The following ERN1 variants were observed in gnomAD, a reference collection of about 807,000 sequenced individuals.
ERN1 encodes serine/threonine-protein kinase/endoribonuclease IRE1.
ERN1 carries 39 observed loss-of-function variants against 113.1 expected under a neutral mutation model. The observed-to-expected ratio is 0.34, with a 90% CI of 0.27 to 0.45. The LOEUF (loss-of-function observed/expected upper bound fraction) is 0.45, where lower values mean the gene tolerates loss of function less well. Ranked by LOEUF, ERN1 falls within the 20% of genes least tolerant of loss-of-function variation. The pLI, the probability that ERN1 is intolerant of heterozygous loss-of-function variation, is 1.00. For missense variants in ERN1, 976 were observed against 1,274.8 expected (o/e 0.77, Z 3.57); for synonymous variants, 507 against 515.9 (o/e 0.98, Z 0.23).
intron 2 of ERN1, among the ~76,000 whole-genome samples, chr17:64,091,700 G>A (rs921002685): frequency 1.3e-5 from 2 of 152,200 alleles, no homozygotes; most frequent in African/African-American, 4.8e-5. Flanking sequence ...TCCAAGGCCT[G>A]GTAAGGAGTT....
chr17:64,044,843 A>T lies in ERN1; in HGVS notation c.2721+17T>A. ...ATGGCCACTGGGTCTCCTCCCCAGCATTTACAAACTGCTTACCTTATTTCT... is the reference window on the plus strand; with the variant it reads ...ATGGCCACTGGGTCTCCTCCCCAGCTTTTACAAACTGCTTACCTTATTTCT... On this transcript the variant is annotated intron_variant, in intron 21 of 21. Coordinates refer to ENST00000433197, the MANE Select transcript of ERN1 (RefSeq NM_001433.5). The surrounding 1 kb of genome is among the most constrained non-coding windows in gnomAD (Gnocchi z 4.1). 6.4e-7 allele frequency: 1 copy of T among 1,554,170 alleles called. No homozygotes were observed. Among genetic ancestry groups the T allele is most frequent in the Non-Finnish European group, 8.8e-7 (1 of 1,140,100 alleles).
intron 6 of ERN1, among the ~76,000 whole-genome samples, chr17:64,068,502 C>T (rs192816946): frequency 3.3e-5 from 5 of 152,318 alleles, no homozygotes; most frequent in Admixed American, 2.0e-4. Flanking sequence ...GAAGCAGAGA[C>T]GACCCACCCT....
chr17:64,079,477 G>A (rs1913699371), intron 4 of ERN1, among the ~76,000 whole-genome samples, 185 bp downstream of exon 4: 1 of 152,120 alleles, frequency 6.6e-6, no homozygotes, highest in Non-Finnish European at 1.5e-5. Flanking sequence ...ACATTTAAAA[G>A]CTCATTTAGG....
At position 64,071,437 on chromosome 17, in the gene ERN1, G is replaced by T. The variant is rs569461370; in HGVS notation, c.478+544C>A. Among the ~76,000 whole-genome samples, 4 of 152,038 alleles carry T rather than the reference G, an allele frequency of 2.6e-5. 1 individual carries two copies. In the South Asian group the frequency reaches 8.3e-4, roughly 32 times the overall value. ...GGAAACTTTTTTTTTTTTGGGCAGG[G>T]GGGATGGAGTTTTACTCTTGTTGCC... is the stretch of plus-strand genomic sequence containing the variant. On this transcript the variant is annotated intron_variant, in intron 6 of 21. Transcript: ENST00000433197.
At position 64,054,873 on chromosome 17, in the gene ERN1, C is replaced by T; in HGVS notation, c.1673-45G>A. On this transcript the variant is annotated intron_variant, in intron 13 of 21. Coordinates refer to ENST00000433197, the MANE Select transcript of ERN1 (RefSeq NM_001433.5). The surrounding 1 kb of genome is among the most constrained non-coding windows in gnomAD (Gnocchi z 4.9). ...AGAGATTGTTTCAAACAGATATCAC[C>T]TAAAGAACCTTGAGGTTAACATAGT... 1 of 1,419,802 alleles carries T rather than the reference C, an allele frequency of 7.0e-7. No homozygotes were observed. Among genetic ancestry groups the T allele is most frequent in the Non-Finnish European group, 9.7e-7 (1 of 1,025,806 alleles). 88.0% of individuals were successfully genotyped at this position (1,419,802 alleles called of 1,614,324 possible).
intron 12 of ERN1, among the ~76,000 whole-genome samples, chr17:64,056,388 G>C (rs1324117397): frequency 6.6e-6 from 1 of 152,238 alleles, no homozygotes; most frequent in East Asian, 1.9e-4. Context: ...GTGTTGGCTA[G>C]AGGCTAGCGC....
At chr17:64,128,227 TCTCAAACTCCTGAC>T (rs972528774) in intron 1 of ERN1, among the ~76,000 whole-genome samples, 1 of 148,150 alleles carries the variant, frequency 6.7e-6, no homozygotes, top group African/African-American at 2.5e-5. Context: ...GCCAGGCTGG[TCTCAAACTCCTGAC>T]CTCAAGTGAT....
chr17:64,119,542 C>A (rs1207652343), intron 1 of ERN1, among the ~76,000 whole-genome samples: 1 of 151,810 alleles, frequency 6.6e-6, no homozygotes, highest in African/African-American at 2.4e-5. Context: ...GCACGCGCCA[C>A]CACGCCTGGC....
intron 1 of ERN1, among the ~76,000 whole-genome samples, chr17:64,106,786 A>T (rs570668378): frequency 7.1e-6 from 1 of 141,798 alleles, no homozygotes; most frequent in East Asian, 2.3e-4. Context: ...TCTTTCTCTC[A>T]TAGGACACCA....
intron 8 of ERN1, 129 bp from the exon 9 acceptor site, chr17:64,065,416 A>C (rs144791825): frequency 1.1e-4 from 72 of 640,476 alleles, no homozygotes; most frequent in African/African-American, 1.1e-3. Context: ...GGAGGAACGC[A>C]GTAGGGGTGT....
chr17:64,080,014 C>T (rs577243736), intron 3 of ERN1, among the ~76,000 whole-genome samples: 3 of 152,142 alleles, frequency 2.0e-5, no homozygotes, highest in Admixed American at 6.5e-5. Flanking sequence ...ATCATTTGGT[C>T]AAAGCACTCT....
intron 17 of ERN1, among the ~76,000 whole-genome samples, chr17:64,050,613 G>C (rs1449012060): frequency 6.6e-6 from 1 of 152,106 alleles, no homozygotes; most frequent in African/African-American, 2.4e-5. Context: ...AATCGCTTAG[G>C]AAGTGTTTGA....
At chr17:64,067,039 T>C (rs1331294971) in intron 7 of ERN1, 107 bp from the exon 8 acceptor site, 16 of 1,188,110 alleles carry the variant, frequency 1.3e-5, no homozygotes, top group Non-Finnish European at 1.9e-5. Context: ...AAACAAGACT[T>C]CTGGAATATT....
intron 5 of ERN1, among the ~76,000 whole-genome samples, chr17:64,074,804 C>T (rs1394050706): frequency 6.6e-6 from 1 of 152,234 alleles, no homozygotes; most frequent in Non-Finnish European, 1.5e-5. Flanking sequence ...GCAGGAAATA[C>T]TAAGAAAGCG....
In ERN1 at chr17:64,079,719, T is replaced by C; in HGVS notation, c.225A>G (p.Pro75=). Reference sequence around the variant, plus strand: ...TATACAGGCTGCCATCATTAGGATCTGGGAGAAAGGCAGGCCTAGAGATTA... The same window carrying C: ...TATACAGGCTGCCATCATTAGGATCCGGGAGAAAGGCAGGCCTAGAGATTA... ...PTHVEEPAFL[P]DPNDGSLYTL... is the part of the protein sequence containing the mutation. The change falls in exon 4 of 22, where the codon CCA becomes CCG. Residue 75 remains proline (P), a synonymous_variant. Transcript: ENST00000433197. 1 of 1,613,682 alleles carries C rather than the reference T, an allele frequency of 6.2e-7. No individual in the cohort carries two copies.
chr17:64,066,641 G>C (rs777164192), intron 8 of ERN1, 30 bp downstream of exon 8: 2 of 1,610,138 alleles, frequency 1.2e-6, no homozygotes, highest in Non-Finnish European at 8.5e-7. Context: ...GGCCACGGCC[G>C]CCCTCTCCTT....
rs16947484 is a variant in ERN1 at position 64,097,594 on chromosome 17, C to G, written c.175+527G>C. On this transcript the variant is annotated intron_variant, in intron 2 of 21. Transcript: ENST00000433197. ...TACCACCAGGAAGATCAGATCATAA[C>G]ATGGACGCATGGTATGTTAAGTAAG... Among the ~76,000 whole-genome samples, 710 of 152,300 alleles carry G rather than the reference C, an allele frequency of 4.7e-3. 4 individuals carry two copies. Among genetic ancestry groups the G allele is most frequent in the African/African-American group, 0.016 (672 of 41,576 alleles).
chr17:64,065,393 AC>A (rs1913189167), intron 8 of ERN1, 106 bp from the exon 9 acceptor site: 4 of 763,290 alleles, frequency 5.2e-6, no homozygotes, highest in South Asian at 1.9e-5. Context: ...GACCACATTA[AC>A]CCCCCAGACA....
chr17:64,061,831 C>A (rs2143362054), intron 10 of ERN1, among the ~76,000 whole-genome samples: 1 of 152,348 alleles, frequency 6.6e-6, no homozygotes, highest in Admixed American at 6.5e-5. Context: ...CTTCCACATG[C>A]CACGCTGTGC....
Sources: gnomAD v4.1 joint callset for allele counts (sites outside exome capture counted in the v4.1 genomes callset) on GRCh38, gnomAD v4.1.1 for gene constraint, Gnocchi (gnomAD v3.1) non-coding constraint, MANE v1.5 for transcripts, NCBI Gene and HGNC (gene_info 2026-07-23, HGNC 2026-07-21) for gene names.